Variants in TYW5 observed in about 807,000 individuals in gnomAD.
TYW5 encodes the protein tRNA wybutosine-synthesizing protein 5.
Under a neutral mutation model 44.4 loss-of-function variants are expected in TYW5, and 36 were observed. The observed-to-expected ratio is 0.81, with a 90% confidence interval of 0.62 to 1.07. TYW5 has a LOEUF of 1.07. Among genes scored for constraint, TYW5 ranks in the 50% least tolerant of loss-of-function variants. TYW5 has a pLI of 0.00. For missense variants in TYW5, 354 were observed against 365.7 expected, an observed-to-expected ratio of 0.97 and a Z score of 0.26; for synonymous variants, 121 against 128.1, an observed-to-expected ratio of 0.94 and a Z score of 0.37.
intron 4 of TYW5, 74 bp downstream of exon 4, chr2:199,940,015 A>G: frequency 1.4e-6 from 2 of 1,383,754 alleles, no homozygotes; most frequent in South Asian, 2.4e-5. Flanking sequence ...TAAGTATAAA[A>G]TTACAGTGTT....
chr2:199,940,567 T>C (rs1432749023), intron 3 of TYW5, among the ~76,000 whole-genome samples: 3 of 150,466 alleles, frequency 2.0e-5, no homozygotes, highest in African/African-American at 7.4e-5. Context: ...GCTATGATTG[T>C]GACACTACAC....
At chr2:199,948,568 T>C (rs2077520698) in intron 1 of TYW5, 96 bp from the exon 2 acceptor site, 10 of 1,225,174 alleles carry the variant, frequency 8.2e-6, no homozygotes, top group Non-Finnish European at 1.1e-5. Flanking sequence ...AAGTAAGATC[T>C]GACTCTTGCT....
At chr2:199,955,227 C>A in intron 1 of TYW5, 166 bp downstream of exon 1, 1 of 643,622 alleles carries the variant, frequency 1.6e-6, no homozygotes, top group Non-Finnish European at 2.5e-6. Flanking sequence ...CAGTCGGCGT[C>A]CCCCGTGCAC....
chr2:199,955,075 T>G (rs2077584637), intron 1 of TYW5, among the ~76,000 whole-genome samples: 1 of 152,170 alleles, frequency 6.6e-6, no homozygotes, highest in South Asian at 2.1e-4. Context: ...TGAAAAGTTG[T>G]GCCTTCAAAT....
In TYW5 at chr2:199,932,258, G is replaced by T. The variant is rs1359020363; in HGVS notation, c.*809C>A. ...CTCTTGAATCAGTCTACAAAGTTGG[G>T]ACCTAGGTATCTGTACATTTTTTAA... is the stretch of plus-strand genomic sequence containing the variant. On this transcript the variant is annotated 3_prime_UTR_variant, in exon 8 of 8. Transcript: ENST00000354611. 6.6e-6 allele frequency: 1 copy of T among 152,126 alleles called. No homozygotes were observed. Among genetic ancestry groups the T allele is most frequent in the Non-Finnish European group, 1.5e-5 (1 of 68,020 alleles). The allele number at this position is 152,126 out of a possible 1,614,324, so 9.4% of individuals were successfully genotyped here.
chr2:199,935,979 T>C lies in TYW5; in HGVS notation c.643A>G (p.Arg215Gly), dbSNP rs2077417344. ...LAKYPLFSKA[R>G]RYECSLEAGD... The stretch of plus-strand genomic sequence containing the variant: ...GCTTCAAGGGAACATTCATATCTTC[T>C]AGCCTTGGAAAAAAGTGGATATTTA... Residue 215 changes from arginine to glycine, a missense_variant, in exon 7 of 8, where the codon AGA becomes GGA. Coordinates refer to ENST00000354611, the MANE Select transcript of TYW5 (RefSeq NM_001039693.3). The C allele has an allele frequency of 3.7e-6, 6 of 1,613,264 alleles. No homozygotes were observed. Among genetic ancestry groups the C allele is most frequent in the African/African-American group, 1.3e-5 (1 of 75,010 alleles).
chr2:199,954,316 G>C (rs547060259), intron 1 of TYW5, among the ~76,000 whole-genome samples: 1 of 151,768 alleles, frequency 6.6e-6, no homozygotes, highest in Non-Finnish European at 1.5e-5. Flanking sequence ...TGGCCAGGCT[G>C]GTCTTGAACT....
At position 199,929,295 on chromosome 2, in the gene TYW5, CCTG is replaced by C. The variant is rs1446196834; in HGVS notation, c.*3769_*3771del. On this transcript the variant is annotated 3_prime_UTR_variant, in exon 8 of 8. Coordinates refer to ENST00000354611, the MANE Select transcript of TYW5 (RefSeq NM_001039693.3). ...GGCACATGTATACATATGTAACAAA[CCTG>C]CACGTTGTGCACATGTACCCTAGAA... is the stretch of plus-strand genomic sequence containing the variant. 2.0e-5 allele frequency among the ~76,000 whole-genome samples: 3 copies of C among 152,092 alleles called. No homozygotes were observed. Among genetic ancestry groups the C allele is most frequent in the Non-Finnish European group, 4.4e-5 (3 of 68,008 alleles).
At chr2:199,953,318 C>T (rs945150823) in intron 1 of TYW5, among the ~76,000 whole-genome samples, 1 of 151,460 alleles carries the variant, frequency 6.6e-6, no homozygotes, top group African/African-American at 2.4e-5. Flanking sequence ...AGCAAAACTC[C>T]ATTTCAAAAA....
intron 5 of TYW5, 54 bp from the exon 6 acceptor site, chr2:199,936,546 GA>G (rs2105693019): frequency 6.8e-7 from 1 of 1,460,634 alleles, no homozygotes; most frequent in South Asian, 1.2e-5. Flanking sequence ...CAAATAAATA[GA>G]ACCAATGGCA....
At chr2:199,940,065 T>C (rs757576296) in intron 4 of TYW5, 24 bp downstream of exon 4, 9 of 1,607,320 alleles carry the variant, frequency 5.6e-6, no homozygotes, top group Admixed American at 1.7e-5. Flanking sequence ...TTTTAGGGAA[T>C]TGTTTTACAT....
In TYW5 at chr2:199,930,225, C is replaced by T. The variant is rs1375109293; in HGVS notation, c.*2842G>A. On this transcript the variant is annotated 3_prime_UTR_variant, in exon 8 of 8. Transcript: ENST00000354611. ...CTCCTGAGTTCAGATGATCCACCCA[C>T]CTCGGTGCATATAGTATTTTTAAAA... 1 of 152,060 alleles carries T rather than the reference C, an allele frequency of 6.6e-6. No homozygotes were observed. Among genetic ancestry groups the T allele is most frequent in the East Asian group, 1.9e-4 (1 of 5,184 alleles). 9.4% of individuals were successfully genotyped at this position (152,060 alleles called of 1,614,324 possible). A position where few individuals can be genotyped will look rare whatever the true frequency, so the allele number is the denominator to read the frequency against.
chr2:199,940,480 C>G (rs2077454829), intron 3 of TYW5, among the ~76,000 whole-genome samples: 1 of 151,924 alleles, frequency 6.6e-6, no homozygotes, highest in African/African-American at 2.4e-5. Context: ...GAGTGAGACA[C>G]CATCTACAAA....
In TYW5 at chr2:199,955,486, C is replaced by T. The variant is rs2077591872; in HGVS notation, c.-16G>A. ...GCCCGGCCATGGTTGCTCACGCCTG[C>T]CCTCTTCCAGGTCTTCGGAACTTCG... On this transcript the variant is annotated 5_prime_UTR_variant, in exon 1 of 8. Transcript: ENST00000354611. 6.2e-7 allele frequency: 1 copy of T among 1,612,744 alleles called. No individual in the cohort carries two copies. Among genetic ancestry groups the T allele is most frequent in the African/African-American group, 1.3e-5 (1 of 74,894 alleles).
chr2:199,938,679 T>C (rs758944567), intron 5 of TYW5, among the ~76,000 whole-genome samples: 9 of 152,166 alleles, frequency 5.9e-5, no homozygotes, highest in Non-Finnish European at 1.3e-4. Flanking sequence ...TTCACAAAAC[T>C]TGGTATATAT....
At chr2:199,938,432 C>T (rs2077438914) in intron 5 of TYW5, among the ~76,000 whole-genome samples, 1 of 152,106 alleles carries the variant, frequency 6.6e-6, no homozygotes, top group African/African-American at 2.4e-5. Flanking sequence ...ATTCTCAAGG[C>T]ATATATATCC....
intron 3 of TYW5, among the ~76,000 whole-genome samples, chr2:199,941,233 G>C (rs182066826): frequency 6.6e-6 from 1 of 152,072 alleles, no homozygotes; most frequent in African/African-American, 2.4e-5. Context: ...TAGAGAAGGA[G>C]ACTCGCTATG....
At position 199,930,784 on chromosome 2, in the gene TYW5, C is replaced by T. The variant is rs1243242598; in HGVS notation, c.*2283G>A. ...GCACATTAGGGAGAATGGAGAATTA[C>T]TGGTCACAACGAATCCCGGTTTCTA... On this transcript the variant is annotated 3_prime_UTR_variant, in exon 8 of 8. Transcript: ENST00000354611. 1 of 151,950 alleles carries T rather than the reference C, an allele frequency of 6.6e-6. No homozygotes were observed. The highest frequency in any genetic ancestry group is 1.5e-5 in the Non-Finnish European group (1 of 68,008). 9.4% of individuals were successfully genotyped at this position (151,950 alleles called of 1,614,324 possible). A position where few individuals can be genotyped will look rare whatever the true frequency, so the allele number is the denominator to read the frequency against.
rs1292713194 is a variant in TYW5, at chr2:199,944,215, T to A, written c.234-381A>T. On this transcript the variant is annotated intron_variant, in intron 2 of 7. Transcript: ENST00000354611. ...TTAAGTGGCATGGCAAAACAAATCT[T>A]GTGAAGAGTGGGGCAAACTACTAGT... 3 of 168,708 alleles carry A rather than the reference T, an allele frequency of 1.8e-5. No homozygotes were observed. In the East Asian group the frequency reaches 5.3e-4, roughly 30 times the overall value. The allele number at this position is 168,708 out of a possible 1,614,324, so 10.5% of individuals were successfully genotyped here. A position where few individuals can be genotyped will look rare whatever the true frequency, so the allele number is the denominator to read the frequency against.
Sources: allele counts gnomAD v4.1 joint callset (sites outside exome capture counted in the v4.1 genomes callset), GRCh38; gene constraint gnomAD v4.1.1; transcripts MANE v1.5; gene names NCBI Gene and HGNC (gene_info 2026-07-23, HGNC 2026-07-21).